Variants in MYH7B observed in about 807,000 individuals in gnomAD.
MYH7B encodes myosin heavy chain 7B.
A neutral mutation model predicts 234.5 loss-of-function variants in MYH7B; 205 were observed. The observed-to-expected ratio is 0.87, with a 90% CI of 0.78 to 0.98. MYH7B has a LOEUF of 0.98. Among genes scored for constraint, MYH7B ranks in the 50% least tolerant of loss-of-function variants. The pLI is 0.00. For missense variants in MYH7B, 2,652 were observed against 2,633.4 expected (o/e 1.01, Z -0.15); for synonymous variants, 1,193 against 1,105.0 (o/e 1.08, Z -1.58).
intron 10 of MYH7B, among the ~76,000 whole-genome samples, chr20:34,983,293 CTTTTCTTTTTTTT>C (rs2081967421): frequency 4.0e-5 from 4 of 100,344 alleles, no homozygotes; most frequent in Admixed American, 9.2e-5. Flanking sequence ...CTTTTCTTTT[CTTTTCTTTTTTTT>C]TTTTTTTTTT....
intron 19 of MYH7B, 26 bp downstream of exon 19, chr20:34,988,288 G>A: frequency 4.4e-6 from 7 of 1,600,660 alleles, no homozygotes; most frequent in Non-Finnish European, 6.0e-6. Flanking sequence ...AGGTCACTTT[G>A]AGGAAGGGAG....
At position 34,967,880 on chromosome 20, in the gene MYH7B, C is replaced by G. The variant is rs185181789; in HGVS notation, c.-221-7520C>G. On this transcript the variant is annotated intron_variant, in intron 2 of 44. Coordinates refer to ENST00000262873, the Ensembl canonical transcript of MYH7B. ...GTCCAGGATTTGTGGGGTGGTTTTA[C>G]AAGATCCTGGGATTTCACATGTGGG... Among the ~76,000 whole-genome samples the G allele has an allele frequency of 6.1e-3, 932 of 152,298 alleles. 14 individuals carry two copies. Among genetic ancestry groups the G allele is most frequent in the African/African-American group, 0.021 (885 of 41,562 alleles).
intron 1 of MYH7B, among the ~76,000 whole-genome samples, chr20:34,956,258 T>G (rs1380083410): frequency 6.6e-6 from 1 of 152,160 alleles, no homozygotes; most frequent in Non-Finnish European, 1.5e-5. Flanking sequence ...TCTATTTTTT[T>G]TTAACCTGGG....
chr20:34,969,206 ACT>A (rs1277044772), intron 2 of MYH7B, among the ~76,000 whole-genome samples: 2 of 151,718 alleles, frequency 1.3e-5, no homozygotes, highest in Non-Finnish European at 2.9e-5. Context: ...CAGTGGGCCC[ACT>A]CTCTGAGGAC....
chr20:34,982,337 C>A (rs548982328), intron 9 of MYH7B, 122 bp from the exon 10 acceptor site: 260 of 799,328 alleles, frequency 3.3e-4, no homozygotes, highest in Non-Finnish European at 4.9e-4. Flanking sequence ...GTTGATCCAT[C>A]CTTGGGGGTT....
At chr20:34,983,770 G>T (rs917349948) in intron 10 of MYH7B, among the ~76,000 whole-genome samples, 2 of 152,212 alleles carry the variant, frequency 1.3e-5, no homozygotes, top group African/African-American at 4.8e-5. Context: ...CACCTCCCCT[G>T]CCCAATGTCC....
At position 34,987,686 on chromosome 20, in the gene MYH7B, T is replaced by C; in HGVS notation, c.1266+11T>C. ...CAGAGTGTGGAGCAGGTGAGCTGCC[T>C]GCAGGCCAAACCCATGGGGGACAGC... On this transcript the variant is annotated intron_variant, in intron 17 of 44. Coordinates refer to ENST00000262873, the Ensembl canonical transcript of MYH7B. 3 of 1,612,082 alleles carry C rather than the reference T, an allele frequency of 1.9e-6. No individual in the cohort carries two copies.
intron 3 of MYH7B, among the ~76,000 whole-genome samples, chr20:34,977,095 A>C (rs2081866452): frequency 1.8e-5 from 2 of 111,284 alleles, no homozygotes; most frequent in Non-Finnish European, 1.7e-5. Flanking sequence ...TCTCTTTTTG[A>C]TCTGTTCTTC....
intron 25 of MYH7B, 36 bp from the exon 26 acceptor site, chr20:34,993,297 TG>T (rs778731515): frequency 1.9e-6 from 3 of 1,614,002 alleles, no homozygotes; most frequent in Non-Finnish European, 1.7e-6. Context: ...TGCGGATGGT[TG>T]GGGGTTACCC....
intron 19 of MYH7B, among the ~76,000 whole-genome samples, chr20:34,989,518 T>A (rs962818658): frequency 2.6e-5 from 4 of 152,162 alleles, no homozygotes; most frequent in Admixed American, 1.3e-4. Context: ...GACACCTCAG[T>A]GCTGCAGATT....
At chr20:34,990,678 GC>G in intron 22 of MYH7B, 59 bp from the exon 23 acceptor site, 1 of 1,515,600 alleles carries the variant, frequency 6.6e-7, no homozygotes, top group Non-Finnish European at 9.2e-7. Context: ...GACCACTGCG[GC>G]ATCCAATTCT....
intron 7 of MYH7B, 94 bp downstream of exon 7, chr20:34,979,898 C>A (rs969002317): frequency 8.3e-7 from 1 of 1,204,412 alleles, no homozygotes; most frequent in East Asian, 3.5e-5. Context: ...AGCGGTGGGG[C>A]GGGGCTGTGA....
chr20:35,002,342 C>A, exon 45 of MYH7B: 1 of 832,206 alleles, frequency 1.2e-6, no homozygotes, highest in Non-Finnish European at 1.7e-6. Context: ...CCTTCTCATT[C>A]TTTTCTTTGG....
chr20:34,998,933 C>T lies in MYH7B; in HGVS notation c.4190+18C>T, dbSNP rs1262232729. 1 of 1,606,570 alleles carries T rather than the reference C, an allele frequency of 6.2e-7. No homozygotes were observed. Among genetic ancestry groups the T allele is most frequent in the Non-Finnish European group, 8.5e-7 (1 of 1,175,834 alleles). On this transcript the variant is annotated intron_variant, in intron 35 of 44. Coordinates refer to ENST00000262873, the Ensembl canonical transcript of MYH7B. The stretch of plus-strand genomic sequence containing the variant: ...GAGGCCAAGTGAGTGCTTTGCTGGC[C>T]AGGCCACTGCCATGCAGAGCTTTAT...
chr20:34,963,775 T>C (rs189707292), intron 2 of MYH7B, among the ~76,000 whole-genome samples: 3 of 152,356 alleles, frequency 2.0e-5, no homozygotes, highest in East Asian at 1.9e-4. Flanking sequence ...GTAGGTCTTA[T>C]GCATTTTTAC....
At chr20:34,984,753 G>A in intron 11 of MYH7B, 38 bp downstream of exon 11, 1 of 1,607,232 alleles carries the variant, frequency 6.2e-7, no homozygotes, top group Non-Finnish European at 8.5e-7. Flanking sequence ...CAGCCCTGGG[G>A]GTACCCCCTT....
chr20:34,972,210 T>C (rs1419843822), intron 2 of MYH7B, among the ~76,000 whole-genome samples: 1 of 152,156 alleles, frequency 6.6e-6, no homozygotes, highest in East Asian at 1.9e-4. Context: ...TTCCAAGTCC[T>C]TCAAGGCTCT....
intron 43 of MYH7B, 132 bp downstream of exon 43, chr20:35,001,658 A>T: frequency 1.2e-6 from 1 of 865,722 alleles, no homozygotes; most frequent in South Asian, 1.7e-5. Flanking sequence ...GAAGCTTCTA[A>T]CATCTCTGGG....
At chr20:35,000,624 A>C (rs2082353324) in exon 39 of MYH7B, 3 of 1,576,470 alleles carry the variant, frequency 1.9e-6, no homozygotes, top group African/African-American at 1.3e-5. Context: ...GGGCGAGCGC[A>C]GCCGGCGACT....
Sources: allele counts gnomAD v4.1 joint callset (sites outside exome capture counted in the v4.1 genomes callset), GRCh38; gene constraint gnomAD v4.1.1; transcripts MANE v1.5; gene names NCBI Gene and HGNC (gene_info 2026-07-23, HGNC 2026-07-21).